Variants in CRTC3 observed in about 807,000 individuals in gnomAD.
CRTC3 encodes the protein CREB regulated transcription coactivator 3.
In CRTC3, 26 loss-of-function variants were observed where a neutral mutation model predicts 74.5. The observed-to-expected ratio is 0.35, with a 90% CI of 0.26 to 0.48. The LOEUF (loss-of-function observed/expected upper bound fraction) is 0.48, where lower values mean the gene tolerates loss of function less well. CRTC3 is among the 20% of genes least tolerant of loss of function. The pLI, the probability that CRTC3 is intolerant of heterozygous loss-of-function variation, is 0.99. For missense variants in CRTC3, 760 were observed against 787.3 expected (o/e 0.97, Z 0.41); for synonymous variants, 377 against 325.8 (o/e 1.16, Z -1.69).
At chr15:90,568,364 T>G (rs1381331706) in intron 2 of CRTC3, among the ~76,000 whole-genome samples, 5 of 152,206 alleles carry the variant, frequency 3.3e-5, no homozygotes, top group Non-Finnish European at 7.3e-5. Context: ...CTCCAATTTT[T>G]TTTTTTTAAA....
intron 2 of CRTC3, among the ~76,000 whole-genome samples, chr15:90,564,806 T>TA (rs531418144): frequency 7.0e-4 from 107 of 152,290 alleles, no homozygotes; most frequent in African/African-American, 2.5e-3. Context: ...TAAGATACCA[T>TA]AGGCAGGAAT....
intron 10 of CRTC3, among the ~76,000 whole-genome samples, chr15:90,627,118 G>A (rs758761611): frequency 2.0e-5 from 3 of 152,236 alleles, no homozygotes; most frequent in Non-Finnish European, 4.4e-5. Context: ...CCACCCAAAT[G>A]AGAGTGGTCC....
In CRTC3 at chr15:90,607,423, G is replaced by T. The variant is rs149106727; in HGVS notation, c.522G>T (p.Lys174Asn). ...SALHTSALST[K>N]PQDPYGGGGQ... The stretch of plus-strand genomic sequence containing the variant: ...TTCACACGAGTGCTCTGAGTACCAA[G>T]CCCCAGGACCCCTATGGAGGAGGGG... Residue 174 changes from lysine (K) to asparagine (N), a missense_variant, in exon 6 of 15, where the codon AAG becomes AAT. Transcript: ENST00000268184. The T allele has an allele frequency of 7.7e-4, 1,238 of 1,613,388 alleles. 1 individual carries two copies. The highest frequency in any genetic ancestry group is 1.8e-3 in the South Asian group (167 of 90,906).
In CRTC3 at chr15:90,643,201, C is replaced by T. The variant is rs1969512395; in HGVS notation, c.*1061C>T. Reference sequence around the variant, plus strand: ...GTGTGCTGGAGTGAGTGCTGCAGAACCGTGCGTGCAGCGCATGATGAATGA... The same window carrying T: ...GTGTGCTGGAGTGAGTGCTGCAGAATCGTGCGTGCAGCGCATGATGAATGA... On this transcript the variant is annotated 3_prime_UTR_variant, in exon 15 of 15. Transcript: ENST00000268184. The T allele has an allele frequency of 4.3e-6, 1 of 232,616 alleles. No homozygotes were observed. Among genetic ancestry groups the T allele is most frequent in the Non-Finnish European group, 8.5e-6 (1 of 117,630 alleles). The allele number at this position is 232,616 out of a possible 1,614,324, so 14.4% of individuals were successfully genotyped here.
chr15:90,572,161 CAAAAAAAA>C (rs56906718), intron 2 of CRTC3, among the ~76,000 whole-genome samples: 1 of 124,436 alleles, frequency 8.0e-6, no homozygotes, highest in Non-Finnish European at 1.7e-5. Context: ...GATTCTTTCT[CAAAAAAAA>C]AAAAAAAAAA....
chr15:90,552,393 A>C (rs1327255866), intron 2 of CRTC3, among the ~76,000 whole-genome samples: 1 of 152,226 alleles, frequency 6.6e-6, no homozygotes, highest in East Asian at 1.9e-4. Context: ...CAGAGATCTC[A>C]AAGTAGCTTC....
intron 13 of CRTC3, 59 bp from the exon 14 acceptor site, chr15:90,641,038 T>C (rs879128380): frequency 9.0e-7 from 1 of 1,111,304 alleles, no homozygotes; most frequent in South Asian, 1.3e-5. Flanking sequence ...ATTGCAATAC[T>C]CACTTCCTCC....
intron 2 of CRTC3, among the ~76,000 whole-genome samples, chr15:90,553,201 C>T (rs983734051): frequency 6.6e-6 from 1 of 152,032 alleles, no homozygotes. Context: ...TGTCTGAATT[C>T]TTTTTAAGAG....
intron 1 of CRTC3, chr15:90,539,477 C>T (rs1022526954): frequency 3.9e-5 from 6 of 152,222 alleles, no homozygotes; most frequent in Non-Finnish European, 7.3e-5. Flanking sequence ...ACCAAAAGGC[C>T]CATATCCAGA....
chr15:90,639,905 T>C (rs192434444), intron 13 of CRTC3, among the ~76,000 whole-genome samples: 7,336 of 151,832 alleles, frequency 0.048, 617 homozygotes, highest in African/African-American at 0.17. Context: ...AAAAATTAGC[T>C]GGGCGTGGTG....
chr15:90,554,861 T>G (rs1966875890), intron 2 of CRTC3, among the ~76,000 whole-genome samples: 1 of 152,248 alleles, frequency 6.6e-6, no homozygotes, highest in African/African-American at 2.4e-5. Flanking sequence ...CAAGTTATGT[T>G]TCTTACTAAA....
intron 1 of CRTC3, among the ~76,000 whole-genome samples, chr15:90,536,664 G>A (rs1007875392): frequency 1.3e-5 from 2 of 152,176 alleles, no homozygotes; most frequent in Non-Finnish European, 2.9e-5. Flanking sequence ...CTCATTTCCT[G>A]TAGGCATTAA....
intron 2 of CRTC3, among the ~76,000 whole-genome samples, chr15:90,572,844 G>A (rs547077844): frequency 6.6e-6 from 1 of 152,230 alleles, no homozygotes; most frequent in East Asian, 1.9e-4. Flanking sequence ...CCAAAGTGCT[G>A]GGATTACAGG....
In CRTC3 at chr15:90,641,137, C is replaced by G. The variant is rs775466196; in HGVS notation, c.1589C>G (p.Ser530Cys). 3.1e-6 allele frequency: 5 copies of G among 1,614,144 alleles called. No homozygotes were observed. Among genetic ancestry groups the G allele is most frequent in the South Asian group, 1.1e-5 (1 of 91,072 alleles). ...VQQGSRELQD[S>C]FHLRPSPYSN... ...CAAGGTTCCCGAGAACTGCAGGACTCTTTTCATTTGAGACCAAGCCCGTAT... is the reference window on the plus strand; with the variant it reads ...CAAGGTTCCCGAGAACTGCAGGACTGTTTTCATTTGAGACCAAGCCCGTAT... The change falls in exon 14 of 15, where the codon TCT becomes TGT. Residue 530 changes from serine (S) to cysteine (C), a missense_variant. Coordinates refer to ENST00000268184, the MANE Select transcript of CRTC3 (RefSeq NM_022769.5).
intron 10 of CRTC3, among the ~76,000 whole-genome samples, chr15:90,627,517 C>G (rs1411865726): frequency 2.6e-5 from 4 of 152,140 alleles, no homozygotes; most frequent in Admixed American, 6.5e-5. Flanking sequence ...GCCTTTGACA[C>G]TTTGCTTCAA....
At chr15:90,635,175 T>A (rs1239225227) in intron 11 of CRTC3, 17 of 550,402 alleles carry the variant, frequency 3.1e-5, no homozygotes, top group Non-Finnish European at 4.2e-5. Flanking sequence ...CAAAATTGTT[T>A]CCTTGTACTG....
intron 1 of CRTC3, among the ~76,000 whole-genome samples, chr15:90,531,807 A>C (rs946072946): frequency 1.3e-5 from 2 of 152,170 alleles, no homozygotes; most frequent in Admixed American, 6.5e-5. Flanking sequence ...CATGCACTGT[A>C]TATGTCTGTA....
intron 2 of CRTC3, among the ~76,000 whole-genome samples, chr15:90,540,508 CA>C (rs1322768111): frequency 6.6e-6 from 1 of 152,174 alleles, no homozygotes; most frequent in African/African-American, 2.4e-5. Flanking sequence ...CATGGTGGCT[CA>C]CACCTGTAAT....
intron 2 of CRTC3, among the ~76,000 whole-genome samples, chr15:90,591,873 G>T (rs74380741): frequency 9.9e-4 from 150 of 152,272 alleles, no homozygotes; most frequent in African/African-American, 3.5e-3. Flanking sequence ...TATTTTTCAG[G>T]TATTTCAATA....
Sources: allele counts gnomAD v4.1 joint callset (sites outside exome capture counted in the v4.1 genomes callset), GRCh38; gene constraint gnomAD v4.1.1; transcripts MANE v1.5; gene names NCBI Gene and HGNC (gene_info 2026-07-23, HGNC 2026-07-21).